The following EDNRB variants were observed in gnomAD, a reference collection of about 807,000 sequenced individuals.
The protein encoded by EDNRB is endothelin receptor type B.
EDNRB carries 18 observed loss-of-function variants against 46.4 expected under a neutral mutation model. The observed-to-expected ratio is 0.39, with a 90% CI of 0.27 to 0.57. The LOEUF (loss-of-function observed/expected upper bound fraction) is 0.57, where lower values mean the gene tolerates loss of function less well. Ranked by LOEUF, EDNRB falls within the 20% of genes least tolerant of loss-of-function variation. The probability of loss-of-function intolerance (pLI) is 0.61; values close to 1 mark genes in which losing one functional copy is unlikely to be tolerated. For synonymous variants in EDNRB, 213 were observed against 204.9 expected, an observed-to-expected ratio of 1.04 and a Z score of -0.34; for missense variants, 434 against 537.5, an observed-to-expected ratio of 0.81 and a Z score of 1.90.
chr13:77,965,793 G>A (rs1053595504), intron 1 of EDNRB, among the ~76,000 whole-genome samples: 2 of 152,044 alleles, frequency 1.3e-5, no homozygotes, highest in African/African-American at 2.4e-5. Flanking sequence ...TATTGAAAAG[G>A]GGTTCTTAAA....
chr13:77,957,015 G>A (rs1337042981), intron 1 of EDNRB, among the ~76,000 whole-genome samples: 1 of 152,192 alleles, frequency 6.6e-6, no homozygotes, highest in Admixed American at 6.5e-5. Context: ...TTTTGGAGGA[G>A]CCCATTATTC....
chr13:77,896,415 A>G lies in EDNRB; in HGVS notation c.*1785T>C. ...TAAAGAACAAGTTTGTGGGTGATTT[A>G]TAAATAGAATCCATATGGTGTGTGA... On this transcript the variant is annotated 3_prime_UTR_variant, in exon 7 of 7. Transcript: ENST00000646607. The G allele has an allele frequency of 1.3e-6, 2 of 1,539,342 alleles. No homozygotes were observed. Among genetic ancestry groups the G allele is most frequent in the Non-Finnish European group, 1.7e-6 (2 of 1,142,934 alleles).
chr13:77,913,365 T>A (rs1879667280), intron 1 of EDNRB, among the ~76,000 whole-genome samples: 1 of 152,148 alleles, frequency 6.6e-6, no homozygotes, highest in South Asian at 2.1e-4. Context: ...AGTTCTTAAC[T>A]GTAAAACCAT....
intron 1 of EDNRB, among the ~76,000 whole-genome samples, chr13:77,912,130 T>G (rs570936754): frequency 6.6e-6 from 1 of 152,232 alleles, no homozygotes; most frequent in East Asian, 1.9e-4. Flanking sequence ...TATCCTTTTG[T>G]ACAACTATGG....
At chr13:77,936,602 A>G (rs1464983309) in intron 1 of EDNRB, among the ~76,000 whole-genome samples, 1 of 152,188 alleles carries the variant, frequency 6.6e-6, no homozygotes, top group East Asian at 1.9e-4. Flanking sequence ...TGCTAAGCCG[A>G]GAAGATCTGG....
chr13:77,968,985 T>C (rs1179096844), intron 1 of EDNRB, among the ~76,000 whole-genome samples: 1 of 152,172 alleles, frequency 6.6e-6, no homozygotes, highest in Non-Finnish European at 1.5e-5. Flanking sequence ...TACTTCAGCG[T>C]TTGGTATTGT....
chr13:77,937,876 C>T (rs1022097473), intron 1 of EDNRB, among the ~76,000 whole-genome samples: 1 of 152,094 alleles, frequency 6.6e-6, no homozygotes. Flanking sequence ...GGATGAGCTG[C>T]ATCGGGAACA....
chr13:77,903,581 T>A lies in EDNRB; in HGVS notation c.510A>T (p.Gly170=). The A allele has an allele frequency of 1.2e-6, 2 of 1,612,720 alleles. No homozygotes were observed. The highest frequency in any genetic ancestry group is 1.7e-6 in the Non-Finnish European group (2 of 1,179,202). The change falls in exon 2 of 7, where the codon GGA becomes GGT. Residue 170 remains glycine (G), a synonymous_variant. Transcript: ENST00000646607. ...AAGGCACCAGCTTACACATCTCAGC[T>A]CCAAATGGCCAGTCCTCTGCCAGCA... ...YKLLAEDWPF[G]AEMCKLVPFI...
chr13:77,933,418 A>AG (rs1880460369), intron 1 of EDNRB, among the ~76,000 whole-genome samples: 1 of 152,136 alleles, frequency 6.6e-6, no homozygotes, highest in Admixed American at 6.5e-5. Context: ...GGGCAGGAGT[A>AG]GGGGTCACAA....
intron 1 of EDNRB, among the ~76,000 whole-genome samples, chr13:77,960,636 G>A (rs9574126): frequency 0.64 from 97,331 of 151,928 alleles, 31,800 homozygotes; most frequent in Middle Eastern, 0.8. Flanking sequence ...CAACTAATGA[G>A]CAAAATAACC....
intron 1 of EDNRB, among the ~76,000 whole-genome samples, chr13:77,971,399 C>T (rs1170214335): frequency 6.6e-6 from 1 of 152,130 alleles, no homozygotes; most frequent in Non-Finnish European, 1.5e-5. Flanking sequence ...CTGCCAGGGC[C>T]CTTAGACATG....
chr13:77,904,333 C>A (rs1234259027), intron 1 of EDNRB, among the ~76,000 whole-genome samples: 2 of 152,028 alleles, frequency 1.3e-5, no homozygotes, highest in African/African-American at 4.8e-5. Context: ...TCTCCCTACT[C>A]TCTTTTCCTT....
At chr13:77,961,726 G>T (rs1339644911) in intron 1 of EDNRB, among the ~76,000 whole-genome samples, 1 of 152,072 alleles carries the variant, frequency 6.6e-6, no homozygotes, top group Admixed American at 6.6e-5. Context: ...AAGAACTAGA[G>T]AAACAAGAGC....
intron 2 of EDNRB, 29 bp downstream of exon 2, chr13:77,903,466 A>G (rs1401726922): frequency 1.2e-6 from 2 of 1,610,884 alleles, no homozygotes; most frequent in East Asian, 2.2e-5. Flanking sequence ...TATATTCAGA[A>G]TATACTTGGA....
chr13:77,900,713 A>G (rs1431896441), intron 4 of EDNRB, 59 bp from the exon 5 acceptor site: 34 of 1,607,322 alleles, frequency 2.1e-5, no homozygotes, highest in Admixed American at 8.4e-5. Context: ...ATAGCATTCT[A>G]TCTTCTAAAA....
chr13:77,932,404 G>A (rs547941641), intron 1 of EDNRB, among the ~76,000 whole-genome samples: 1 of 152,326 alleles, frequency 6.6e-6, no homozygotes, highest in African/African-American at 2.4e-5. Context: ...AATGGTAGAA[G>A]TGGCTTCCAT....
Position 77,931,839 on chromosome 13 carries a change from T to A in EDNRB, c.-51-13215A>T, listed in dbSNP as rs566887136. Among the ~76,000 whole-genome samples, 8 of 149,916 alleles carry A rather than the reference T, an allele frequency of 5.3e-5. No individual in the cohort carries two copies. The South Asian group carries it at 1.7e-3, about 32-fold the overall frequency. On this transcript the variant is annotated intron_variant, in intron 1 of 7. Transcript: ENST00000646948. ...GGGCATTTTTCAATAGGCATAGCAA[T>A]GAAAATAGTTATGATTTGTGCAAAA...
chr13:77,900,364 TC>T (rs1198940171), intron 5 of EDNRB, among the ~76,000 whole-genome samples, 156 bp downstream of exon 5: 1 of 151,852 alleles, frequency 6.6e-6, no homozygotes, highest in East Asian at 1.9e-4. Context: ...CCCTTCCCTG[TC>T]CCTCTCAACA....
chr13:77,929,229 C>T (rs1471850990), intron 1 of EDNRB, among the ~76,000 whole-genome samples: 5 of 152,130 alleles, frequency 3.3e-5, no homozygotes, highest in Non-Finnish European at 7.3e-5. Context: ...ATTAGAAATC[C>T]TCATAGCATA....
Sources: allele counts gnomAD v4.1 joint callset (sites outside exome capture counted in the v4.1 genomes callset), GRCh38; gene constraint gnomAD v4.1.1; transcripts MANE v1.5; gene names NCBI Gene and HGNC (gene_info 2026-07-23, HGNC 2026-07-21).